The following EIF2AK3 variants were observed in gnomAD, a reference collection of about 807,000 sequenced individuals.
EIF2AK3 encodes eukaryotic translation initiation factor 2-alpha kinase 3.
A neutral mutation model predicts 113.5 loss-of-function variants in EIF2AK3; 50 were observed. The ratio of observed to expected loss-of-function variants is 0.44; its 90% CI spans 0.35 to 0.56. The LOEUF is 0.56. Ranked by LOEUF, EIF2AK3 falls within the 20% of genes least tolerant of loss-of-function variation. EIF2AK3 has a pLI of 0.00. For synonymous variants in EIF2AK3, 448 were observed against 495.4 expected, an observed-to-expected ratio of 0.90 and a Z score of 1.27; for missense variants, 1,185 against 1,378.0, an observed-to-expected ratio of 0.86 and a Z score of 2.22.
At chr2:88,580,621 G>A (rs1418896735) in intron 10 of EIF2AK3, among the ~76,000 whole-genome samples, 2 of 152,120 alleles carry the variant, frequency 1.3e-5, no homozygotes, top group Non-Finnish European at 2.9e-5. Context: ...CTGACAAACC[G>A]AAAGTCTAAC....
chr2:88,608,175 G>A (rs377581303), intron 2 of EIF2AK3, among the ~76,000 whole-genome samples: 1 of 152,114 alleles, frequency 6.6e-6, no homozygotes, highest in African/African-American at 2.4e-5. Context: ...CAGCTTCTCA[G>A]ATTAATAAGT....
intron 1 of EIF2AK3, among the ~76,000 whole-genome samples, chr2:88,621,896 A>ATT (rs34216518): frequency 0.28 from 37,733 of 133,244 alleles, 5,999 homozygotes; most frequent in Admixed American, 0.38. Context: ...TTATTCTATA[A>ATT]TTTTTTTTTT....
At chr2:88,617,486 T>G (rs1675613763) in intron 1 of EIF2AK3, among the ~76,000 whole-genome samples, 1 of 152,126 alleles carries the variant, frequency 6.6e-6, no homozygotes, top group Non-Finnish European at 1.5e-5. Flanking sequence ...TGCAGAGTAC[T>G]GGCCGGGGGT....
intron 2 of EIF2AK3, among the ~76,000 whole-genome samples, chr2:88,607,710 G>A (rs964650676): frequency 3.9e-5 from 6 of 152,274 alleles, no homozygotes; most frequent in Middle Eastern, 3.4e-3. Context: ...ATCAGAAAAG[G>A]TTAAGAACAT....
At chr2:88,614,159 T>C (rs1435932628) in intron 1 of EIF2AK3, among the ~76,000 whole-genome samples, 1 of 152,186 alleles carries the variant, frequency 6.6e-6, no homozygotes. Context: ...CCTGAAAGCC[T>C]TTCCCCTGAA....
chr2:88,591,906 A>C (rs1174087929), intron 4 of EIF2AK3, among the ~76,000 whole-genome samples: 1 of 152,120 alleles, frequency 6.6e-6, no homozygotes, highest in Non-Finnish European at 1.5e-5. Context: ...AAAAAACAAA[A>C]TCCAGTCAGG....
chr2:88,575,578 A>G, intron 12 of EIF2AK3, 132 bp from the exon 13 acceptor site: 2 of 929,716 alleles, frequency 2.2e-6, no homozygotes, highest in Non-Finnish European at 3.4e-6. Flanking sequence ...CAACATACAA[A>G]CTAAATAAAA....
chr2:88,625,326 C>CAA (rs1202293982), intron 1 of EIF2AK3, among the ~76,000 whole-genome samples: 627 of 130,908 alleles, frequency 4.8e-3, no homozygotes, highest in Non-Finnish European at 8.5e-3. Context: ...CACACACACA[C>CAA]AGACATACAC....
chr2:88,602,803 G>T (rs1675187441), intron 2 of EIF2AK3, among the ~76,000 whole-genome samples: 1 of 151,916 alleles, frequency 6.6e-6, no homozygotes, highest in South Asian at 2.1e-4. Flanking sequence ...GCCTGACGGG[G>T]GTGGGGAGCA....
At chr2:88,615,554 C>T (rs1675547516) in intron 1 of EIF2AK3, among the ~76,000 whole-genome samples, 2 of 152,138 alleles carry the variant, frequency 1.3e-5, no homozygotes, top group Non-Finnish European at 2.9e-5. Flanking sequence ...TCAGTCTTCA[C>T]CAGATACTGA....
rs201908880 is a variant in EIF2AK3, at chr2:88,563,849, TAC to T, written c.2986-1461_2986-1460del. Reference sequence around the variant, plus strand: ...TTCTAAAGTAAGGTGTATATAGATATACACACACACAGAGAGAGAAAAGGAAA... The same window carrying T: ...TTCTAAAGTAAGGTGTATATAGATATACACACACAGAGAGAGAAAAGGAAA... On this transcript the variant is annotated intron_variant, in intron 14 of 16. Transcript: ENST00000303236. Among the ~76,000 whole-genome samples, 69 of 152,266 alleles carry T rather than the reference TAC, an allele frequency of 4.5e-4. 3 individuals are homozygous for T. In the East Asian group the frequency reaches 7.7e-3, roughly 17 times the overall value.
chr2:88,576,498 T>C, intron 12 of EIF2AK3, 56 bp downstream of exon 12: 1 of 1,608,800 alleles, frequency 6.2e-7, no homozygotes, highest in Non-Finnish European at 8.5e-7. Flanking sequence ...AAAACTGACA[T>C]TGTAATCACA....
intron 3 of EIF2AK3, among the ~76,000 whole-genome samples, chr2:88,594,284 C>T (rs1286389111): frequency 6.6e-6 from 1 of 152,204 alleles, no homozygotes; most frequent in South Asian, 2.1e-4. Flanking sequence ...CCTCCACCTC[C>T]CAGGTTCAAG....
In EIF2AK3 at chr2:88,585,990, G is replaced by A; in HGVS notation, c.1501C>T (p.Leu501Phe). 1 of 1,614,166 alleles carries A rather than the reference G, an allele frequency of 6.2e-7. No individual in the cohort carries two copies. Among genetic ancestry groups the A allele is most frequent in the Non-Finnish European group, 8.5e-7 (1 of 1,180,010 alleles). Residue 501 changes from leucine to phenylalanine, a missense_variant, in exon 9 of 17, where the codon CTC (leucine) becomes TTC (phenylalanine). By Grantham distance (22) the Leu-to-Phe change is conservative. This residue lies in a region of EIF2AK3 where 877 missense variants were observed against 1,024.2 expected (regional missense o/e 0.86). Coordinates refer to ENST00000303236, the MANE Select transcript of EIF2AK3 (RefSeq NM_004836.7). ...TTCTTGTTGTAATGTGGGTTGTCGAGGAATCTGACTGTAATCTGTGTGCTT... is the reference window on the plus strand; with the variant it reads ...TTCTTGTTGTAATGTGGGTTGTCGAAGAATCTGACTGTAATCTGTGTGCTT... ...KRSTQITVRF[L>F]DNPHYNKNIR...
chr2:88,588,950 G>GT (rs541472156), intron 6 of EIF2AK3, 49 bp from the exon 7 acceptor site: 4 of 1,595,584 alleles, frequency 2.5e-6, no homozygotes, highest in Admixed American at 1.7e-5. Context: ...TTTTAAAAAG[G>GT]TTTTTTTAAT....
chr2:88,577,278 C>T (rs1257325115), intron 11 of EIF2AK3, among the ~76,000 whole-genome samples: 2 of 150,794 alleles, frequency 1.3e-5, no homozygotes, highest in African/African-American at 4.9e-5. Flanking sequence ...CCACCGTGCC[C>T]GGCTAGCCTA....
In EIF2AK3 at chr2:88,626,979, C is replaced by A; in HGVS notation, c.296G>T (p.Arg99Leu). The change falls in exon 1 of 17, where the codon CGA becomes CTA. Residue 99 changes from arginine to leucine, a missense_variant. Coordinates refer to ENST00000303236, the MANE Select transcript of EIF2AK3 (RefSeq NM_004836.7). ...GGCAGCCCCTCACCTGCCGCGCGGT[C>A]GCAACTCTGTCTCATCGTCTGGTTC... Reference protein sequence around the residue: ...GPEPDDETELRPRGRSLVIIS... With the variant: ...GPEPDDETELLPRGRSLVIIS... 3 of 1,609,164 alleles carry A rather than the reference C, an allele frequency of 1.9e-6. No individual in the cohort carries two copies. Among genetic ancestry groups the A allele is most frequent in the African/African-American group, 1.3e-5 (1 of 74,692 alleles).
chr2:88,626,904 A>T, intron 1 of EIF2AK3, 63 bp downstream of exon 1: 1 of 1,588,496 alleles, frequency 6.3e-7, no homozygotes, highest in South Asian at 1.1e-5. Flanking sequence ...GCCCCCCTAC[A>T]CCGCATCCTC....
intron 10 of EIF2AK3, among the ~76,000 whole-genome samples, chr2:88,582,189 A>G (rs1049053051): frequency 1.1e-4 from 16 of 152,276 alleles, no homozygotes; most frequent in African/African-American, 3.1e-4. Flanking sequence ...ATGCCTTCCA[A>G]TCAACAAAGA....
Sources: allele counts gnomAD v4.1 joint callset (sites outside exome capture counted in the v4.1 genomes callset), GRCh38; gene constraint gnomAD v4.1.1; regional missense constraint gnomAD v4.1.1; transcripts MANE v1.5; gene names NCBI Gene and HGNC (gene_info 2026-07-23, HGNC 2026-07-21).